EBF2: variants seen among roughly 807,000 people sequenced by gnomAD.
The protein encoded by EBF2 is EBF transcription factor 2.
In EBF2, 21 loss-of-function variants were observed where a neutral mutation model predicts 72.8. The observed-to-expected ratio is 0.29, with a 90% CI of 0.20 to 0.42. The LOEUF (loss-of-function observed/expected upper bound fraction) is 0.42, where lower values mean the gene tolerates loss of function less well. EBF2 is among the 10% of genes least tolerant of loss of function. The pLI, the probability that EBF2 is intolerant of heterozygous loss-of-function variation, is 1.00. For missense variants in EBF2, 637 were observed against 731.2 expected, an observed-to-expected ratio of 0.87 and a Z score of 1.49; for synonymous variants, 299 against 274.2, an observed-to-expected ratio of 1.09 and a Z score of -0.89.
chr8:25,895,792 T>A (rs1802855793), intron 7 of EBF2, among the ~76,000 whole-genome samples: 1 of 152,200 alleles, frequency 6.6e-6, no homozygotes, highest in Non-Finnish European at 1.5e-5. Context: ...AATAGAGGAG[T>A]TATTTCTTTA....
chr8:25,854,512 G>A (rs1032962408), intron 14 of EBF2, among the ~76,000 whole-genome samples: 2 of 152,136 alleles, frequency 1.3e-5, no homozygotes, highest in African/African-American at 4.8e-5. Context: ...TTTTCAAAAT[G>A]TATCTATCCA....
intron 10 of EBF2, among the ~76,000 whole-genome samples, chr8:25,879,359 C>T (rs1802569256): frequency 6.6e-6 from 1 of 152,186 alleles, no homozygotes; most frequent in East Asian, 1.9e-4. Context: ...ATAATAAACT[C>T]CCATGAACGG....
At chr8:25,890,658 G>A (rs1422888276) in intron 7 of EBF2, among the ~76,000 whole-genome samples, 1 of 152,082 alleles carries the variant, frequency 6.6e-6, no homozygotes, top group Non-Finnish European at 1.5e-5. Flanking sequence ...ATGAGATATA[G>A]GCACACATCC....
At chr8:25,938,861 G>A (rs921367798) in intron 6 of EBF2, among the ~76,000 whole-genome samples, 1 of 152,028 alleles carries the variant, frequency 6.6e-6, no homozygotes, top group Admixed American at 6.5e-5. Flanking sequence ...TAAGTCACCT[G>A]CACACCTCTC....
In EBF2 at chr8:25,890,584, C is replaced by T. The variant is rs534120139; in HGVS notation, c.634-715G>A. ...CAAATTACTTCACCTTTTCTAATCT[C>T]AGTTTTTCTTATCTGTAAGATATAA... On this transcript the variant is annotated intron_variant, in intron 7 of 15. Coordinates refer to ENST00000520164, the MANE Select transcript of EBF2 (RefSeq NM_022659.4). Among the ~76,000 whole-genome samples, 22 of 152,298 alleles carry T rather than the reference C, an allele frequency of 1.4e-4. No homozygotes were observed. The South Asian group carries it at 4.4e-3, about 30-fold the overall frequency.
chr8:25,993,333 G>T (rs1178815783), intron 6 of EBF2, among the ~76,000 whole-genome samples: 1 of 152,164 alleles, frequency 6.6e-6, no homozygotes, highest in Non-Finnish European at 1.5e-5. Flanking sequence ...ACATCTGTTA[G>T]CAGACTTCCA....
At chr8:25,930,202 A>G (rs1803457610) in intron 6 of EBF2, among the ~76,000 whole-genome samples, 1 of 152,078 alleles carries the variant, frequency 6.6e-6, no homozygotes, top group Non-Finnish European at 1.5e-5. Flanking sequence ...CATACTACTC[A>G]TTTGGGACTT....
chr8:25,940,760 C>G (rs142416891), intron 6 of EBF2, among the ~76,000 whole-genome samples: 3 of 152,188 alleles, frequency 2.0e-5, no homozygotes, highest in Admixed American at 1.3e-4. Flanking sequence ...CTTGATCTGG[C>G]AAATAATGAT....
At chr8:25,984,373 G>GA (rs56933196) in intron 6 of EBF2, among the ~76,000 whole-genome samples, 4 of 151,948 alleles carry the variant, frequency 2.6e-5, no homozygotes, top group Non-Finnish European at 4.4e-5. Context: ...CACAGAGCCT[G>GA]AAAAAAAATC....
At chr8:25,933,501 T>C (rs989089216) in intron 6 of EBF2, among the ~76,000 whole-genome samples, 3 of 152,150 alleles carry the variant, frequency 2.0e-5, no homozygotes, top group African/African-American at 7.2e-5. Context: ...ATTAGTTCAA[T>C]CTTTCTGGCT....
chr8:26,012,476 C>G (rs539429188), intron 6 of EBF2, among the ~76,000 whole-genome samples: 58 of 152,220 alleles, frequency 3.8e-4, no homozygotes, highest in African/African-American at 1.3e-3. Flanking sequence ...AAATTTATTT[C>G]TCTATTCTCA....
At chr8:26,015,015 C>T (rs755056168) in intron 6 of EBF2, among the ~76,000 whole-genome samples, 2 of 152,054 alleles carry the variant, frequency 1.3e-5, no homozygotes, top group Non-Finnish European at 2.9e-5. Context: ...AGATGCAAAT[C>T]GTAGGGTGTT....
chr8:25,901,962 T>C (rs1802960334), intron 7 of EBF2, among the ~76,000 whole-genome samples: 1 of 152,244 alleles, frequency 6.6e-6, no homozygotes, highest in Non-Finnish European at 1.5e-5. Context: ...TGCTCTCTGC[T>C]GTATCTCCAG....
chr8:25,853,223 C>T (rs971428381), intron 14 of EBF2, among the ~76,000 whole-genome samples: 14 of 151,964 alleles, frequency 9.2e-5, no homozygotes, highest in Middle Eastern at 3.2e-3. Context: ...ATAGATTTGC[C>T]ACATAATGAA....
chr8:26,030,925 T>C (rs1038678213), intron 6 of EBF2, among the ~76,000 whole-genome samples: 1 of 152,220 alleles, frequency 6.6e-6, no homozygotes, highest in African/African-American at 2.4e-5. Context: ...AGATACTTTC[T>C]TTTGTACATG....
intron 6 of EBF2, among the ~76,000 whole-genome samples, chr8:25,915,642 T>C (rs971172500): frequency 1.5e-4 from 22 of 143,696 alleles, no homozygotes; most frequent in Non-Finnish European, 3.0e-4. Flanking sequence ...CTCAAGTGCA[T>C]GAGGAAGATT....
At chr8:26,017,403 T>G (rs2117240660) in intron 6 of EBF2, among the ~76,000 whole-genome samples, 1 of 152,220 alleles carries the variant, frequency 6.6e-6, no homozygotes, top group Middle Eastern at 3.4e-3. Flanking sequence ...CAGAGGAAGA[T>G]CTCTGTTTTT....
At chr8:25,873,329 C>T (rs1444548051) in intron 10 of EBF2, among the ~76,000 whole-genome samples, 1 of 152,166 alleles carries the variant, frequency 6.6e-6, no homozygotes, top group Non-Finnish European at 1.5e-5. Flanking sequence ...CAAGCTCTTA[C>T]ATTTTATGAT....
At chr8:26,039,814 G>A (rs1207604606) in intron 5 of EBF2, among the ~76,000 whole-genome samples, 1 of 152,228 alleles carries the variant, frequency 6.6e-6, no homozygotes. Flanking sequence ...TCAGAGAGGT[G>A]GAATCCCGAG....
Sources: allele counts gnomAD v4.1 joint callset (sites outside exome capture counted in the v4.1 genomes callset), GRCh38; gene constraint gnomAD v4.1.1; transcripts MANE v1.5; gene names NCBI Gene and HGNC (gene_info 2026-07-23, HGNC 2026-07-21).